Variants in CACNA1B observed in about 807,000 individuals in gnomAD.
CACNA1B encodes the protein calcium voltage-gated channel subunit alpha1 B, also known as voltage-dependent N-type calcium channel subunit alpha-1B.
Under a neutral mutation model 247.2 loss-of-function variants are expected in CACNA1B, and 70 were observed. The ratio of observed to expected loss-of-function variants is 0.28; its 90% CI spans 0.23 to 0.35. CACNA1B has a LOEUF of 0.35. Among genes scored for constraint, CACNA1B ranks in the 10% least tolerant of loss-of-function variants. CACNA1B has a pLI of 1.00. For synonymous variants in CACNA1B, 1,231 were observed against 1,294.4 expected (o/e 0.95, Z 1.05); for missense variants, 2,367 against 3,197.4 (o/e 0.74, Z 6.26).
At chr9:137,949,525 ATGTGTGTCTG>A in intron 6 of CACNA1B, among the ~76,000 whole-genome samples, 1 of 147,154 alleles carries the variant, frequency 6.8e-6, no homozygotes, top group East Asian at 2.1e-4. Context: ...TCTGTGTGTG[ATGTGTGTCTG>A]TGTGTGTGTG....
At chr9:137,979,969 G>A (rs577561502) in intron 12 of CACNA1B, among the ~76,000 whole-genome samples, 36 of 152,182 alleles carry the variant, frequency 2.4e-4, no homozygotes, top group Non-Finnish European at 3.5e-4. Context: ...GGGCACATGC[G>A]GGAAAGTCTG....
intron 20 of CACNA1B, among the ~76,000 whole-genome samples, 167 bp from the exon 21 acceptor site, chr9:138,043,607 G>A (rs568181586): frequency 6.6e-6 from 1 of 152,294 alleles, no homozygotes; most frequent in East Asian, 1.9e-4. Flanking sequence ...TGGCTGTCGT[G>A]CGCCACGGTC....
chr9:137,962,543 A>G (rs1251576540), intron 10 of CACNA1B, among the ~76,000 whole-genome samples: 1 of 152,074 alleles, frequency 6.6e-6, no homozygotes, highest in Non-Finnish European at 1.5e-5. Flanking sequence ...TTTCCCTCTT[A>G]ACACTGCTTT....
At chr9:138,070,695 T>G (rs1015699497) in intron 32 of CACNA1B, among the ~76,000 whole-genome samples, 1 of 152,264 alleles carries the variant, frequency 6.6e-6, no homozygotes, top group East Asian at 1.9e-4. Context: ...CAATGTCATC[T>G]GCACGCATCC....
chr9:137,915,913 A>G lies in CACNA1B; in HGVS notation c.775+1107A>G, dbSNP rs1165233461. Among the ~76,000 whole-genome samples the G allele has an allele frequency of 2.6e-5, 4 of 152,100 alleles. No homozygotes were observed. The South Asian group carries it at 6.2e-4, about 24-fold the overall frequency. ...CATTTATCAAGATATTTGGACAGAG[A>G]GGAATAAACTTAGGTAGTCAGTTTT... On this transcript the variant is annotated intron_variant, in intron 5 of 46. Transcript: ENST00000371372.
rs1383179138 is a variant in CACNA1B at position 138,023,689 on chromosome 9, G to A, written c.2946G>A (p.Arg982=). 3.3e-6 allele frequency: 5 copies of A among 1,526,696 alleles called. No individual in the cohort carries two copies. Among genetic ancestry groups the A allele is most frequent in the Admixed American group, 4.0e-5 (2 of 49,766 alleles). The allele number at this position is 1,526,696 out of a possible 1,614,324, so 94.6% of individuals were successfully genotyped here. Residue 982 remains arginine (R), a synonymous_variant, in exon 19 of 47, where the codon CGG becomes CGA. Coordinates refer to ENST00000371372, the MANE Select transcript of CACNA1B (RefSeq NM_000718.4). ...GEEPARRHRA[R]HKAQPAHEAV... is the part of the protein sequence containing the mutation. ...AGCCGGCGCGGCGGCACCGGGCCCGGCACAAGGCGCAGCCTGCTCACGAGG... is the reference window on the plus strand; with the variant it reads ...AGCCGGCGCGGCGGCACCGGGCCCGACACAAGGCGCAGCCTGCTCACGAGG...
chr9:138,049,352 C>G, intron 24 of CACNA1B, 37 bp downstream of exon 24: 1 of 1,298,376 alleles, frequency 7.7e-7, no homozygotes, highest in Middle Eastern at 1.8e-4. Context: ...TAGGGAGAGC[C>G]CCCAGAATCA....
At chr9:138,000,383 C>T (rs967954436) in intron 15 of CACNA1B, among the ~76,000 whole-genome samples, 1 of 152,162 alleles carries the variant, frequency 6.6e-6, no homozygotes, top group African/African-American at 2.4e-5. Flanking sequence ...CAGACATGAG[C>T]CACCGTGCCT....
chr9:138,046,835 C>A, intron 21 of CACNA1B, 69 bp from the exon 22 acceptor site: 2 of 1,519,376 alleles, frequency 1.3e-6, no homozygotes, highest in African/African-American at 1.4e-5. Context: ...ACGGGCTGAG[C>A]CTGCCCTGTG....
At chr9:137,903,406 C>T (rs1957262035) in intron 3 of CACNA1B, among the ~76,000 whole-genome samples, 1 of 152,080 alleles carries the variant, frequency 6.6e-6, no homozygotes, top group Non-Finnish European at 1.5e-5. Context: ...AACCCTTCAC[C>T]TTCTCATCAC....
chr9:137,993,662 C>T (rs1958461931), intron 15 of CACNA1B, among the ~76,000 whole-genome samples: 1 of 151,896 alleles, frequency 6.6e-6, no homozygotes. Flanking sequence ...AATTAGATAC[C>T]CTGAACAGAC....
chr9:137,900,131 T>G (rs1405845647), intron 3 of CACNA1B, among the ~76,000 whole-genome samples: 1 of 152,176 alleles, frequency 6.6e-6, no homozygotes, highest in Non-Finnish European at 1.5e-5. Context: ...CAGGCCTGAC[T>G]GGGGTGTGCC....
At position 138,046,862 on chromosome 9, in the gene CACNA1B, C is replaced by T. The variant is rs770274401; in HGVS notation, c.3414-42C>T. ...TGCCCTGTGGCAAGGGGTGGCGCGC[C>T]CGGCTGGGGGGCCTTGTGGTGATCC... On this transcript the variant is annotated intron_variant, in intron 21 of 46. Transcript: ENST00000371372. 7.5e-6 allele frequency: 12 copies of T among 1,593,766 alleles called. No homozygotes were observed. In the Admixed American group the frequency reaches 1.2e-4, roughly 16 times the overall value.
intron 39 of CACNA1B, among the ~76,000 whole-genome samples, chr9:138,111,761 T>C (rs1252357124): frequency 6.9e-6 from 1 of 143,942 alleles, no homozygotes; most frequent in Admixed American, 6.8e-5. Context: ...CCCCGAGGCC[T>C]CCCTGGCCCT....
At position 138,105,720 on chromosome 9, in the gene CACNA1B, C is replaced by T; in HGVS notation, c.5341C>T (p.Pro1781Ser). ...AYKRLVRMNM[P>S]ISNEDMTVHF... ...CTAGCGCCTGGTTCGCATGAACATG[C>T]CCATCTCCAACGAGGACATGACTGT... is the stretch of plus-strand genomic sequence containing the variant. Residue 1781 changes from proline to serine, a missense_variant, in exon 39 of 47, where the codon CCC becomes TCC. Around this residue, in one of 12 missense-constraint regions of CACNA1B, gnomAD observed 55 missense variants for 107.8 expected, o/e 0.51. Transcript: ENST00000371372. The T allele has an allele frequency of 1.3e-6, 2 of 1,559,598 alleles. No homozygotes were observed. The highest frequency in any genetic ancestry group is 1.7e-6 in the Non-Finnish European group (2 of 1,152,034).
intron 12 of CACNA1B, among the ~76,000 whole-genome samples, chr9:137,981,706 T>G (rs775317786): frequency 6.6e-6 from 1 of 152,238 alleles, no homozygotes; most frequent in Non-Finnish European, 1.5e-5. Flanking sequence ...CCCGAACTCC[T>G]GACCTCAAGT....
At chr9:137,904,116 T>G (rs888728170) in intron 3 of CACNA1B, among the ~76,000 whole-genome samples, 1 of 152,184 alleles carries the variant, frequency 6.6e-6, no homozygotes, top group African/African-American at 2.4e-5. Context: ...TTGTGCTGCT[T>G]TCTGTCTTTT....
At chr9:138,077,847 G>T (rs1321613684) in intron 35 of CACNA1B, among the ~76,000 whole-genome samples, 1 of 152,270 alleles carries the variant, frequency 6.6e-6, no homozygotes, top group Non-Finnish European at 1.5e-5. Context: ...GGGGCCTGTG[G>T]TGTCCACAAA....
intron 42 of CACNA1B, 54 bp from the exon 43 acceptor site, chr9:138,117,892 A>G (rs1961927109): frequency 7.0e-7 from 1 of 1,434,988 alleles, no homozygotes; most frequent in Non-Finnish European, 9.4e-7. Context: ...GGCTATTGGT[A>G]AGGCACCTGC....
Sources: allele counts gnomAD v4.1 joint callset (sites outside exome capture counted in the v4.1 genomes callset), GRCh38; gene constraint gnomAD v4.1.1; regional missense constraint gnomAD v4.1.1; transcripts MANE v1.5; gene names NCBI Gene and HGNC (gene_info 2026-07-23, HGNC 2026-07-21).